TNKS: variants seen among roughly 807,000 people sequenced by gnomAD.
The protein encoded by TNKS is tankyrase.
In TNKS, 72 loss-of-function variants were observed where a neutral mutation model predicts 135.8. The ratio of observed to expected loss-of-function variants is 0.53; its 90% CI spans 0.44 to 0.64. The LOEUF (loss-of-function observed/expected upper bound fraction) is 0.64, where lower values mean the gene tolerates loss of function less well. Ranked by LOEUF, TNKS falls within the 30% of genes least tolerant of loss-of-function variation. TNKS has a pLI of 0.00. For missense variants in TNKS, 1,769 were observed against 1,674.0 expected (o/e 1.06, Z -0.99); for synonymous variants, 849 against 649.3 (o/e 1.31, Z -4.68).
At chr8:9,765,868 C>G (rs193228325) in intron 24 of TNKS, 71 bp downstream of exon 24, 1 of 1,260,444 alleles carries the variant, frequency 7.9e-7, no homozygotes, top group Admixed American at 1.9e-5. Context: ...GAAAAACCTA[C>G]GTTAAATTGA....
At chr8:9,708,569 A>G in intron 9 of TNKS, 77 bp downstream of exon 9, 2 of 1,315,518 alleles carry the variant, frequency 1.5e-6, no homozygotes, top group Non-Finnish European at 2.0e-6. Flanking sequence ...CATTTCAGAA[A>G]CCTTAAAGTA....
intron 2 of TNKS, among the ~76,000 whole-genome samples, chr8:9,604,698 C>A (rs1358847282): frequency 6.6e-6 from 1 of 151,780 alleles, no homozygotes; most frequent in Non-Finnish European, 1.5e-5. Flanking sequence ...AGATTGGGGT[C>A]TTCTATTAGT....
intron 2 of TNKS, among the ~76,000 whole-genome samples, chr8:9,602,650 A>C (rs1308342064): frequency 6.6e-6 from 1 of 152,250 alleles, no homozygotes; most frequent in Non-Finnish European, 1.5e-5. Context: ...TCAGTAGTTC[A>C]AATGGAGACT....
chr8:9,721,003 C>T (rs7462054), intron 12 of TNKS, among the ~76,000 whole-genome samples: 106,448 of 151,814 alleles, frequency 0.7, 37,862 homozygotes, highest in Admixed American at 0.8. Context: ...AATTATAGGC[C>T]GGGCACAGTG....
In TNKS at chr8:9,769,321, C is replaced by A. The variant is rs115195190; in HGVS notation, c.3741-785C>A. Among the ~76,000 whole-genome samples, 566 of 152,344 alleles carry A rather than the reference C, an allele frequency of 3.7e-3. 3 individuals are homozygous for A. The highest frequency in any genetic ancestry group is 0.012 in the African/African-American group (483 of 41,588). ...CTTTCTTCCCAGTCAGTCTTTCTTA[C>A]TCTGTGATACTTAACATCTGCTCTA... On this transcript the variant is annotated intron_variant, in intron 25 of 26. Coordinates refer to ENST00000310430, the MANE Select transcript of TNKS (RefSeq NM_003747.3).
At chr8:9,661,316 T>C (rs999004124) in intron 3 of TNKS, among the ~76,000 whole-genome samples, 11 of 152,102 alleles carry the variant, frequency 7.2e-5, no homozygotes, top group African/African-American at 1.7e-4. Context: ...AGGCATCATG[T>C]TACCTGACTT....
At chr8:9,664,757 T>C (rs1303749259) in intron 3 of TNKS, among the ~76,000 whole-genome samples, 1 of 152,234 alleles carries the variant, frequency 6.6e-6, no homozygotes, top group Non-Finnish European at 1.5e-5. Flanking sequence ...AGTTCAATTT[T>C]ATATAATTAA....
At chr8:9,673,428 C>A (rs1368362211) in intron 3 of TNKS, among the ~76,000 whole-genome samples, 1 of 147,880 alleles carries the variant, frequency 6.8e-6, no homozygotes, top group East Asian at 2.0e-4. Flanking sequence ...TATTTGGGGC[C>A]TTTTACCTTT....
Position 9,622,008 on chromosome 8 carries a change from T to C in TNKS, c.994+6331T>C, listed in dbSNP as rs1799885055. Among the ~76,000 whole-genome samples, 6 of 152,250 alleles carry C rather than the reference T, an allele frequency of 3.9e-5. No homozygotes were observed. In the South Asian group the frequency reaches 1.2e-3, roughly 32 times the overall value. On this transcript the variant is annotated intron_variant, in intron 3 of 26. Transcript: ENST00000310430. ...TTTTAAATATATGTTAAAAAGTTAATTTCTTGACTAAGAAAATTATACGAA... is the reference window on the plus strand; with the variant it reads ...TTTTAAATATATGTTAAAAAGTTAACTTCTTGACTAAGAAAATTATACGAA...
intron 12 of TNKS, among the ~76,000 whole-genome samples, chr8:9,721,765 C>A (rs986017726): frequency 2.6e-5 from 4 of 152,060 alleles, no homozygotes; most frequent in Non-Finnish European, 5.9e-5. Flanking sequence ...ATAAAACGCC[C>A]TAACTAGATC....
chr8:9,629,709 G>A (rs368339922), intron 3 of TNKS, among the ~76,000 whole-genome samples: 2 of 152,212 alleles, frequency 1.3e-5, no homozygotes, highest in East Asian at 3.8e-4. Flanking sequence ...TTGAGACGAA[G>A]TCTCGCTCTG....
At chr8:9,662,317 T>C (rs1801758048) in intron 3 of TNKS, among the ~76,000 whole-genome samples, 1 of 152,204 alleles carries the variant, frequency 6.6e-6, no homozygotes, top group Non-Finnish European at 1.5e-5. Context: ...GCGGCACTAT[T>C]CACAATAGCA....
chr8:9,646,245 A>T (rs1800915883), intron 3 of TNKS, among the ~76,000 whole-genome samples: 1 of 151,850 alleles, frequency 6.6e-6, no homozygotes, highest in African/African-American at 2.4e-5. Flanking sequence ...TTTTTTTCAG[A>T]TAGAATATAT....
intron 3 of TNKS, among the ~76,000 whole-genome samples, chr8:9,633,801 G>A (rs1437038594): frequency 6.6e-6 from 1 of 152,130 alleles, no homozygotes; most frequent in Non-Finnish European, 1.5e-5. Flanking sequence ...AGAAACTGAG[G>A]CTTGTCAATA....
rs967299597 is a variant in TNKS, at chr8:9,777,386, T to C, written c.*650T>C. The C allele has an allele frequency of 1.3e-5, 2 of 152,332 alleles. No individual in the cohort carries two copies. Among genetic ancestry groups the C allele is most frequent in the Admixed American group, 6.5e-5 (1 of 15,282 alleles). The allele number at this position is 152,332 out of a possible 1,614,324, so 9.4% of individuals were successfully genotyped here. ...CACTTCTCGTTATCATAAATTGAGATGAAAAGGAAAAAACATCAAGTTTTA... is the reference window on the plus strand; with the variant it reads ...CACTTCTCGTTATCATAAATTGAGACGAAAAGGAAAAAACATCAAGTTTTA... On this transcript the variant is annotated 3_prime_UTR_variant, in exon 27 of 27. Coordinates refer to ENST00000310430, the MANE Select transcript of TNKS (RefSeq NM_003747.3).
At chr8:9,704,176 A>G (rs1332970557) in intron 5 of TNKS, among the ~76,000 whole-genome samples, 2 of 152,158 alleles carry the variant, frequency 1.3e-5, no homozygotes, top group Non-Finnish European at 2.9e-5. Flanking sequence ...AGTTTGTTCA[A>G]ATTGTTCTTT....
intron 1 of TNKS, among the ~76,000 whole-genome samples, chr8:9,570,768 A>C (rs796782196): frequency 5.9e-5 from 9 of 152,282 alleles, no homozygotes; most frequent in African/African-American, 1.7e-4. Flanking sequence ...TCTGCCATAC[A>C]GGGTCATTCT....
At chr8:9,748,969 C>G (rs935651431) in intron 18 of TNKS, among the ~76,000 whole-genome samples, 3 of 152,116 alleles carry the variant, frequency 2.0e-5, no homozygotes, top group African/African-American at 7.2e-5. Flanking sequence ...CCTCTCTAGT[C>G]CCATGTGGCA....
At chr8:9,646,549 C>G (rs1359667842) in intron 3 of TNKS, among the ~76,000 whole-genome samples, 3 of 152,008 alleles carry the variant, frequency 2.0e-5, no homozygotes, top group Admixed American at 6.6e-5. Flanking sequence ...GGTGACTTCC[C>G]TAATCTCATA....
Sources: gnomAD v4.1 joint callset for allele counts (sites outside exome capture counted in the v4.1 genomes callset) on GRCh38, gnomAD v4.1.1 for gene constraint, MANE v1.5 for transcripts, NCBI Gene and HGNC (gene_info 2026-07-23, HGNC 2026-07-21) for gene names.